SDK1: variants seen among roughly 807,000 people sequenced by gnomAD.
The protein encoded by SDK1 is sidekick cell adhesion molecule 1.
SDK1 carries 157 observed loss-of-function variants against 245.5 expected under a neutral mutation model. That is an observed-to-expected ratio of 0.64 (90% CI 0.56 to 0.73). The LOEUF (loss-of-function observed/expected upper bound fraction) is 0.73, where lower values mean the gene tolerates loss of function less well. Ranked by LOEUF, SDK1 falls within the 30% of genes least tolerant of loss-of-function variation. The pLI, the probability that SDK1 is intolerant of heterozygous loss-of-function variation, is 0.00. For synonymous variants in SDK1, 1,647 were observed against 1,278.5 expected, an observed-to-expected ratio of 1.29 and a Z score of -6.15; for missense variants, 3,583 against 3,002.3, an observed-to-expected ratio of 1.19 and a Z score of -4.52.
At chr7:3,362,401 T>C (rs140320232) in intron 1 of SDK1, among the ~76,000 whole-genome samples, 2,495 of 152,290 alleles carry the variant, frequency 0.016, 33 homozygotes, top group Non-Finnish European at 0.024. Flanking sequence ...CTTATTTGAG[T>C]AGTATTTTGG....
chr7:3,539,605 C>G (rs1583141647), intron 1 of SDK1, among the ~76,000 whole-genome samples: 1 of 152,208 alleles, frequency 6.6e-6, no homozygotes, highest in Non-Finnish European at 1.5e-5. Context: ...CGTATCACAT[C>G]TGTCTTTCAA....
intron 43 of SDK1, 127 bp downstream of exon 43, chr7:4,242,040 C>G: frequency 9.1e-7 from 1 of 1,096,448 alleles, no homozygotes; most frequent in South Asian, 1.5e-5. Context: ...CCCAACCCAC[C>G]GCCAAGTGCG....
intron 43 of SDK1, among the ~76,000 whole-genome samples, chr7:4,243,752 G>A (rs966065339): frequency 2.6e-5 from 4 of 152,134 alleles, no homozygotes; most frequent in African/African-American, 9.7e-5. Context: ...TGAGATTTGG[G>A]TGGGGACACA....
intron 4 of SDK1, among the ~76,000 whole-genome samples, chr7:3,814,731 C>G (rs1410213402): frequency 6.6e-6 from 1 of 151,370 alleles, no homozygotes; most frequent in South Asian, 2.1e-4. Flanking sequence ...GATATTGATT[C>G]TTCCTACCCA....
intron 1 of SDK1, among the ~76,000 whole-genome samples, chr7:3,345,302 T>G (rs1780463339): frequency 6.6e-6 from 1 of 152,134 alleles, no homozygotes; most frequent in African/African-American, 2.4e-5. Context: ...AAGAATACAT[T>G]GAAAAAAGAT....
intron 1 of SDK1, among the ~76,000 whole-genome samples, chr7:3,464,534 G>A (rs1389128772): frequency 1.3e-5 from 2 of 152,020 alleles, no homozygotes; most frequent in African/African-American, 4.8e-5. Flanking sequence ...AAATACAAAG[G>A]TATTAAAGTT....
At chr7:3,695,929 G>A (rs74836496) in intron 4 of SDK1, among the ~76,000 whole-genome samples, 3 of 152,196 alleles carry the variant, frequency 2.0e-5, no homozygotes, top group Non-Finnish European at 2.9e-5. Flanking sequence ...CACTTATTTC[G>A]GGTTTTGCAG....
At chr7:4,264,938 C>T (rs1428376809) in intron 44 of SDK1, among the ~76,000 whole-genome samples, 186 bp from the exon 45 acceptor site, 2 of 150,228 alleles carry the variant, frequency 1.3e-5, no homozygotes, top group Admixed American at 6.6e-5. Flanking sequence ...GGGAGGGGGA[C>T]CTGGGGGCTG....
intron 1 of SDK1, among the ~76,000 whole-genome samples, chr7:3,604,042 A>G (rs1484242205): frequency 6.6e-6 from 1 of 152,158 alleles, no homozygotes; most frequent in Non-Finnish European, 1.5e-5. Context: ...CCACTTGATC[A>G]TGGTGGATAA....
chr7:3,944,530 A>G (rs949986130), intron 5 of SDK1, among the ~76,000 whole-genome samples: 1 of 152,222 alleles, frequency 6.6e-6, no homozygotes, highest in Non-Finnish European at 1.5e-5. Flanking sequence ...GTATTTGATG[A>G]GTGTTTATTA....
chr7:3,635,209 T>C (rs1252965186), intron 2 of SDK1, among the ~76,000 whole-genome samples: 2 of 152,220 alleles, frequency 1.3e-5, no homozygotes, highest in African/African-American at 4.8e-5. Context: ...ATAATTAATT[T>C]TGTTTTAGAT....
intron 4 of SDK1, among the ~76,000 whole-genome samples, chr7:3,750,539 G>A (rs1006862702): frequency 6.6e-6 from 1 of 152,216 alleles, no homozygotes; most frequent in African/African-American, 2.4e-5. Flanking sequence ...GGATTGCAGA[G>A]AGAGATTGAG....
chr7:3,819,181 A>G (rs1194751877), intron 4 of SDK1, among the ~76,000 whole-genome samples: 1 of 151,888 alleles, frequency 6.6e-6, no homozygotes, highest in African/African-American at 2.4e-5. Flanking sequence ...ATTAATCTTC[A>G]TGATCTCCAA....
intron 1 of SDK1, among the ~76,000 whole-genome samples, chr7:3,549,315 T>G (rs543108305): frequency 6.6e-6 from 1 of 152,364 alleles, no homozygotes; most frequent in East Asian, 1.9e-4. Context: ...TTATTTATTT[T>G]TCTCCCACAT....
At chr7:3,657,299 C>G (rs1432697905) in intron 4 of SDK1, among the ~76,000 whole-genome samples, 1 of 152,150 alleles carries the variant, frequency 6.6e-6, no homozygotes, top group African/African-American at 2.4e-5. Flanking sequence ...CAGACAGCTG[C>G]AGCTGTCTGG....
At chr7:3,604,210 A>G (rs1012699595) in intron 1 of SDK1, among the ~76,000 whole-genome samples, 40 of 152,266 alleles carry the variant, frequency 2.6e-4, no homozygotes, top group Admixed American at 2.2e-3. Flanking sequence ...AATGAGTTAG[A>G]GAGGATTCCT....
intron 5 of SDK1, among the ~76,000 whole-genome samples, chr7:3,881,604 T>A (rs1781211397): frequency 6.6e-6 from 1 of 152,208 alleles, no homozygotes; most frequent in Non-Finnish European, 1.5e-5. Context: ...GCATGATTTA[T>A]ATTCATTTGG....
intron 4 of SDK1, among the ~76,000 whole-genome samples, chr7:3,757,954 A>G (rs937907606): frequency 6.6e-6 from 1 of 152,170 alleles, no homozygotes; most frequent in African/African-American, 2.4e-5. Flanking sequence ...AAAGACTCCT[A>G]TAACCCTTAT....
intron 17 of SDK1, among the ~76,000 whole-genome samples, chr7:4,036,373 G>C (rs953162402): frequency 3.3e-5 from 5 of 152,192 alleles, no homozygotes; most frequent in African/African-American, 1.2e-4. Context: ...CTGATCAAAT[G>C]TTTTTAATAT....
Sources: gnomAD v4.1 joint callset for allele counts (sites outside exome capture counted in the v4.1 genomes callset) on GRCh38, gnomAD v4.1.1 for gene constraint, MANE v1.5 for transcripts, NCBI Gene and HGNC (gene_info 2026-07-23, HGNC 2026-07-21) for gene names.